The following NEK11 variants were observed in gnomAD, a reference collection of about 807,000 sequenced individuals.
NEK11 encodes NIMA related kinase 11, also known as serine/threonine-protein kinase Nek11.
In NEK11, 72 loss-of-function variants were observed where a neutral mutation model predicts 80.7. The ratio of observed to expected loss-of-function variants is 0.89; its 90% CI spans 0.74 to 1.08. NEK11 has a LOEUF of 1.08. Ranked by LOEUF, NEK11 falls within the 50% of genes least tolerant of loss-of-function variation. NEK11 has a pLI of 0.00. For synonymous variants in NEK11, 251 were observed against 260.7 expected, an observed-to-expected ratio of 0.96 and a Z score of 0.36; for missense variants, 764 against 763.6, an observed-to-expected ratio of 1.00 and a Z score of -0.01.
At chr3:131,175,567 A>C (rs2092958155) in intron 14 of NEK11, among the ~76,000 whole-genome samples, 1 of 152,184 alleles carries the variant, frequency 6.6e-6, no homozygotes, top group Non-Finnish European at 1.5e-5. Context: ...TAGTAATAGA[A>C]ATTAGGCCAG....
intron 5 of NEK11, among the ~76,000 whole-genome samples, chr3:131,124,245 A>G (rs947344872): frequency 6.6e-6 from 1 of 152,204 alleles, no homozygotes; most frequent in African/African-American, 2.4e-5. Flanking sequence ...AAATTTCAAA[A>G]AACATGGAAG....
chr3:131,080,509 T>G lies in NEK11; in HGVS notation c.257T>G (p.Leu86Arg). The G allele has an allele frequency of 6.2e-7, 1 of 1,614,148 alleles. No individual in the cohort carries two copies. The highest frequency in any genetic ancestry group is 8.5e-7 in the Non-Finnish European group (1 of 1,179,988). The stretch of plus-strand genomic sequence containing the variant: ...TTGGAAGCCCAACTCCTCTCCAAGC[T>G]GGACCACCCAGCCATTGTCAAGTTC... ...ANLEAQLLSK[L>R]DHPAIVKFHA... is the part of the protein sequence containing the mutation. The change falls in exon 4 of 18, where the codon CTG (leucine) becomes CGG (arginine). Residue 86 changes from leucine (L) to arginine (R), a missense_variant. Leu to Arg is a moderately radical substitution (Grantham distance 102). Coordinates refer to ENST00000383366, the MANE Select transcript of NEK11 (RefSeq NM_024800.5).
chr3:131,114,631 C>T (rs1475552302), intron 5 of NEK11, among the ~76,000 whole-genome samples: 2 of 152,174 alleles, frequency 1.3e-5, no homozygotes, highest in Non-Finnish European at 2.9e-5. Context: ...CACATGACCA[C>T]TCTTAATGTC....
At chr3:131,086,749 C>T (rs1165413795) in intron 4 of NEK11, among the ~76,000 whole-genome samples, 2 of 152,190 alleles carry the variant, frequency 1.3e-5, no homozygotes, top group Non-Finnish European at 2.9e-5. Context: ...GGCTTATTCT[C>T]AATTATTTTC....
At position 131,333,241 on chromosome 3, in the gene NEK11, G is replaced by A. The variant is rs1210796729; in HGVS notation, c.1719-16316G>A. Among the ~76,000 whole-genome samples, 4 of 152,276 alleles carry A rather than the reference G, an allele frequency of 2.6e-5. No homozygotes were observed. The East Asian group carries it at 7.7e-4, about 29-fold the overall frequency. ...AGAAAGGTCGGGTTACCCACAAAGG[G>A]AAGCCCATCAGACTACCAGCGGATC... On this transcript the variant is annotated intron_variant, in intron 17 of 17. Transcript: ENST00000383366.
intron 14 of NEK11, among the ~76,000 whole-genome samples, chr3:131,208,314 A>G (rs190433082): frequency 1.4e-3 from 207 of 152,152 alleles, no homozygotes; most frequent in African/African-American, 4.8e-3. Context: ...TTCTGTTCCA[A>G]TGATCTATAT....
rs114061632 is a variant in NEK11, at chr3:131,235,153, C to T, written c.1560+6465C>T. Reference sequence around the variant, plus strand: ...ACAGGTCAATGGGCAAATAAAGGGACGGTGACCTTCACTGTGAGATGCCCT... The same window carrying T: ...ACAGGTCAATGGGCAAATAAAGGGATGGTGACCTTCACTGTGAGATGCCCT... On this transcript the variant is annotated intron_variant, in intron 15 of 17. Coordinates refer to ENST00000383366, the MANE Select transcript of NEK11 (RefSeq NM_024800.5). 7.3e-3 allele frequency among the ~76,000 whole-genome samples: 1,108 copies of T among 152,248 alleles called. 22 individuals carry two copies. The highest frequency in any genetic ancestry group is 0.025 in the African/African-American group (1,021 of 41,536).
At chr3:131,122,455 A>G (rs2082551241) in intron 5 of NEK11, among the ~76,000 whole-genome samples, 1 of 152,208 alleles carries the variant, frequency 6.6e-6, no homozygotes. Flanking sequence ...TACAACATAG[A>G]GGACTCATTG....
intron 3 of NEK11, among the ~76,000 whole-genome samples, chr3:131,044,512 A>G (rs2067077710): frequency 6.7e-6 from 1 of 150,300 alleles, no homozygotes. Flanking sequence ...AACAAAGATT[A>G]GAAGAGACAA....
chr3:131,175,217 G>A, intron 14 of NEK11: 1 of 672,294 alleles, frequency 1.5e-6, no homozygotes, highest in Non-Finnish European at 1.8e-6. Flanking sequence ...ATAGTTATCT[G>A]AAAGAAAACC....
At position 131,097,269 on chromosome 3, in the gene NEK11, C is replaced by T. The variant is rs928762685; in HGVS notation, c.337-12534C>T. On this transcript the variant is annotated intron_variant, in intron 4 of 17. Transcript: ENST00000383366. ...ATACCCAGTAATGGGATGGCTGGGT[C>T]AAATGCTATTTCTAGTTCTAGATCC... 3.2e-4 allele frequency among the ~76,000 whole-genome samples: 49 copies of T among 151,870 alleles called. 1 individual carries two copies. Among genetic ancestry groups the T allele is most frequent in the Non-Finnish European group, 2.9e-5 (2 of 68,018 alleles).
At chr3:131,251,200 C>CAAAA (rs770059749) in intron 16 of NEK11, among the ~76,000 whole-genome samples, 1,501 of 90,860 alleles carry the variant, frequency 0.017, 27 homozygotes, top group African/African-American at 0.045. Flanking sequence ...AAGGTAAATA[C>CAAAA]AAAAAAAAAA....
At chr3:131,269,919 A>G (rs992611223) in intron 16 of NEK11, among the ~76,000 whole-genome samples, 24 of 152,228 alleles carry the variant, frequency 1.6e-4, no homozygotes, top group Non-Finnish European at 2.9e-5. Flanking sequence ...AGTGGAACAC[A>G]GGCTCAAGGC....
chr3:131,255,538 A>G (rs573645200), intron 16 of NEK11, among the ~76,000 whole-genome samples: 2 of 152,302 alleles, frequency 1.3e-5, no homozygotes, highest in East Asian at 1.9e-4. Flanking sequence ...AGGTTCATCA[A>G]TCCCTTCCTC....
At chr3:131,084,171 A>G (rs2075674272) in intron 4 of NEK11, among the ~76,000 whole-genome samples, 1 of 152,198 alleles carries the variant, frequency 6.6e-6, no homozygotes, top group Admixed American at 6.5e-5. Context: ...CTCTCACAGA[A>G]TCTTTATCTC....
intron 16 of NEK11, among the ~76,000 whole-genome samples, chr3:131,258,289 C>T (rs1391883616): frequency 6.6e-6 from 1 of 152,046 alleles, no homozygotes; most frequent in African/African-American, 2.4e-5. Flanking sequence ...AGCCAAAAAC[C>T]ACCTGTTCCC....
At chr3:131,228,718 G>C (rs762850525) in intron 15 of NEK11, 30 bp downstream of exon 15, 1 of 1,601,594 alleles carries the variant, frequency 6.2e-7, no homozygotes, top group African/African-American at 1.3e-5. Flanking sequence ...GGAAGCCATG[G>C]AACTGTTCAA....
rs1398680508 is a variant in NEK11 at position 131,273,462 on chromosome 3, G to A, written c.1622-16G>A. 2.5e-6 allele frequency: 4 copies of A among 1,603,784 alleles called. No individual in the cohort carries two copies. The Admixed American group carries it at 5.0e-5, about 20-fold the overall frequency. On this transcript the variant is annotated splice_polypyrimidine_tract_variant and intron_variant, in intron 16 of 17. Coordinates refer to ENST00000383366, the MANE Select transcript of NEK11 (RefSeq NM_024800.5). Reference sequence around the variant, plus strand: ...ATTGCTGATGAAGTCAATAAGGGCTGTGCATTGATTTTCAGACACAAAGAC... The same window carrying A: ...ATTGCTGATGAAGTCAATAAGGGCTATGCATTGATTTTCAGACACAAAGAC...
chr3:131,172,940 G>T (rs142893943), intron 14 of NEK11, among the ~76,000 whole-genome samples: 1 of 152,188 alleles, frequency 6.6e-6, no homozygotes, highest in East Asian at 1.9e-4. Context: ...AAATTATAAT[G>T]CATTAGCATG....
Sources: allele counts gnomAD v4.1 joint callset (sites outside exome capture counted in the v4.1 genomes callset), GRCh38; gene constraint gnomAD v4.1.1; transcripts MANE v1.5; gene names NCBI Gene and HGNC (gene_info 2026-07-23, HGNC 2026-07-21).